GTF2A1L: variants seen among roughly 807,000 people sequenced by gnomAD.
GTF2A1L encodes the protein TFIIA-alpha and beta-like factor.
A neutral mutation model predicts 49.7 loss-of-function variants in GTF2A1L; 48 were observed. That is an observed-to-expected ratio of 0.97 (90% CI 0.77 to 1.23). The LOEUF (loss-of-function observed/expected upper bound fraction) is 1.23, where lower values mean the gene tolerates loss of function less well. GTF2A1L is among the 50% of genes most tolerant of loss of function. The pLI is 0.00. For synonymous variants in GTF2A1L, 246 were observed against 193.5 expected (o/e 1.27, Z -2.25); for missense variants, 736 against 564.8 (o/e 1.30, Z -3.07).
At chr2:48,645,142 T>G (rs929601089) in intron 5 of GTF2A1L, 25 bp downstream of exon 5, 12 of 1,575,378 alleles carry the variant, frequency 7.6e-6, no homozygotes, top group Non-Finnish European at 9.4e-6. Context: ...TAAGAATCTT[T>G]TTGTTTTCAG....
chr2:48,671,513 T>A, intron 7 of GTF2A1L, 78 bp from the exon 8 acceptor site: 1 of 1,468,812 alleles, frequency 6.8e-7, no homozygotes. Flanking sequence ...CAAGTTCCTT[T>A]ATTTCTATAT....
intron 6 of GTF2A1L, among the ~76,000 whole-genome samples, chr2:48,651,969 C>A (rs1340092990): frequency 1.3e-5 from 2 of 152,004 alleles, no homozygotes; most frequent in Admixed American, 1.3e-4. Context: ...CTGTACAACT[C>A]CTGGCTATTT....
At chr2:48,624,462 AGAT>A (rs1676191136) in intron 3 of GTF2A1L, among the ~76,000 whole-genome samples, 1 of 24,640 alleles carries the variant, frequency 4.1e-5, no homozygotes, top group Admixed American at 8.0e-4. Context: ...GCTTTGATAT[AGAT>A]AGATAGATAG....
chr2:48,665,052 G>C (rs1420033324), intron 6 of GTF2A1L, among the ~76,000 whole-genome samples: 1 of 152,068 alleles, frequency 6.6e-6, no homozygotes, highest in African/African-American at 2.4e-5. Flanking sequence ...CTCCCGACTA[G>C]CTGGGATTAC....
At chr2:48,636,187 C>T (rs1220021553) in intron 3 of GTF2A1L, among the ~76,000 whole-genome samples, 1 of 152,204 alleles carries the variant, frequency 6.6e-6, no homozygotes, top group East Asian at 1.9e-4. Context: ...GGCCTGCTAA[C>T]AGGCTTTAAT....
intron 6 of GTF2A1L, among the ~76,000 whole-genome samples, chr2:48,662,126 CTTAAA>C (rs1471179680): frequency 4.6e-5 from 7 of 152,178 alleles, no homozygotes; most frequent in African/African-American, 1.7e-4. Context: ...CAGATAGTCA[CTTAAA>C]TTCAATCACA....
chr2:48,636,775 A>G (rs2104141913), intron 3 of GTF2A1L, among the ~76,000 whole-genome samples: 1 of 152,232 alleles, frequency 6.6e-6, no homozygotes, highest in South Asian at 2.1e-4. Context: ...ATGGGGTTCT[A>G]TTAATAATTA....
intron 6 of GTF2A1L, among the ~76,000 whole-genome samples, chr2:48,661,246 A>ATTTTTTTTTTTTTTTTTT (rs1558757501): frequency 7.0e-5 from 5 of 71,848 alleles, no homozygotes; most frequent in African/African-American, 2.5e-4. Context: ...GCATCCCCAA[A>ATTTTTTTTTTTTTTTTTT]CTTTTTTTTT....
In GTF2A1L at chr2:48,627,394, A is replaced by G. The variant is rs540925284; in HGVS notation, c.247+6104A>G. ...TTTAACACGTGTAATGTTACAGCAT[A>G]CATTGGTTATTTGGAAAAATTGGTT... On this transcript the variant is annotated intron_variant, in intron 3 of 8. Coordinates refer to ENST00000403751, the MANE Select transcript of GTF2A1L (RefSeq NM_006872.5). 4.9e-5 allele frequency among the ~76,000 whole-genome samples: 7 copies of G among 144,012 alleles called. 1 individual carries two copies. The highest frequency in any genetic ancestry group is 9.4e-5 in the Non-Finnish European group (6 of 63,990). The allele number at this position is 144,012 out of a possible 152,430, so 94.5% of individuals were successfully genotyped here. A position where few individuals can be genotyped will look rare whatever the true frequency, so the allele number is the denominator to read the frequency against.
intron 8 of GTF2A1L, among the ~76,000 whole-genome samples, chr2:48,672,942 C>G (rs1228678658): frequency 6.6e-6 from 1 of 152,212 alleles, no homozygotes; most frequent in African/African-American, 2.4e-5. Flanking sequence ...GTATTCTCCC[C>G]ATTTTCCCTA....
At chr2:48,620,515 C>T (rs2104051017) in intron 1 of GTF2A1L, among the ~76,000 whole-genome samples, 1 of 152,228 alleles carries the variant, frequency 6.6e-6, no homozygotes, top group East Asian at 1.9e-4. Context: ...TGTGGTGGCT[C>T]ATGCCTGTAA....
At chr2:48,655,117 C>G (rs548069181) in intron 6 of GTF2A1L, among the ~76,000 whole-genome samples, 1 of 151,734 alleles carries the variant, frequency 6.6e-6, no homozygotes, top group Non-Finnish European at 1.5e-5. Flanking sequence ...TTGAGTCTTC[C>G]AATTCATGGA....
At chr2:48,671,557 A>T (rs1679168009) in intron 7 of GTF2A1L, 34 bp from the exon 8 acceptor site, 1 of 1,594,970 alleles carries the variant, frequency 6.3e-7, no homozygotes, top group Admixed American at 1.8e-5. Flanking sequence ...AAAGCATCAT[A>T]AAATTCCTTA....
rs369321551 is a variant in GTF2A1L, at chr2:48,620,921, T to C, written c.92T>C (p.Ile31Thr). 4.4e-6 allele frequency: 7 copies of C among 1,607,254 alleles called. No homozygotes were observed. The highest frequency in any genetic ancestry group is 5.9e-6 in the Non-Finnish European group (7 of 1,177,356). The change falls in exon 2 of 9, where the codon ATA becomes ACA. Residue 31 changes from isoleucine (I) to threonine (T), a missense_variant. Transcript: ENST00000403751. ...GVRNLFAEEGIEEQVLKDLKQ... is the reference protein window; with the variant it reads ...GVRNLFAEEGTEEQVLKDLKQ... Reference sequence around the variant, plus strand: ...CGGAATCTATTTGCTGAAGAAGGTATAGAGGAACAAGTTTTAAAAGACTTG... The same window carrying C: ...CGGAATCTATTTGCTGAAGAAGGTACAGAGGAACAAGTTTTAAAAGACTTG...
chr2:48,661,458 T>C (rs1400389677), intron 6 of GTF2A1L, among the ~76,000 whole-genome samples: 1 of 151,732 alleles, frequency 6.6e-6, no homozygotes, highest in African/African-American at 2.4e-5. Context: ...TTCACCATAT[T>C]GGCCAGGCTG....
chr2:48,629,390 A>T (rs1053302308), intron 3 of GTF2A1L, among the ~76,000 whole-genome samples: 1 of 144,602 alleles, frequency 6.9e-6, no homozygotes, highest in Non-Finnish European at 1.6e-5. Flanking sequence ...AATTGTACTG[A>T]GTACAACGTC....
At chr2:48,656,270 A>G (rs1287182903) in intron 6 of GTF2A1L, among the ~76,000 whole-genome samples, 1 of 151,368 alleles carries the variant, frequency 6.6e-6, no homozygotes, top group Admixed American at 6.6e-5. Context: ...GTTTCCATAG[A>G]GGCTGCACCA....
chr2:48,623,632 T>C (rs1218203123), intron 3 of GTF2A1L, among the ~76,000 whole-genome samples: 1 of 152,218 alleles, frequency 6.6e-6, no homozygotes, highest in Admixed American at 6.5e-5. Flanking sequence ...ATTGCAGTAC[T>C]ACTCACATTA....
Position 48,657,309 on chromosome 2 carries a change from G to C in GTF2A1L, c.978+10267G>C, listed in dbSNP as rs546316758. ...CTATTATTTCCACCACTGGGTGTCC[G>C]TATGTGCCCAATATTTAGCTCCTAT... On this transcript the variant is annotated intron_variant, in intron 6 of 8. Coordinates refer to ENST00000403751, the MANE Select transcript of GTF2A1L (RefSeq NM_006872.5). Among the ~76,000 whole-genome samples the C allele has an allele frequency of 6.6e-5, 10 of 152,116 alleles. No individual in the cohort carries two copies. The South Asian group carries it at 1.7e-3, about 25-fold the overall frequency.
Sources: allele counts gnomAD v4.1 joint callset (sites outside exome capture counted in the v4.1 genomes callset), GRCh38; gene constraint gnomAD v4.1.1; transcripts MANE v1.5; gene names NCBI Gene and HGNC (gene_info 2026-07-23, HGNC 2026-07-21).